RAB3B: variants seen among roughly 807,000 people sequenced by gnomAD.
RAB3B encodes ras-related protein Rab-3B.
Under a neutral mutation model 20.5 loss-of-function variants are expected in RAB3B, and 11 were observed. The observed-to-expected ratio is 0.54, with a 90% CI of 0.34 to 0.89. The LOEUF is 0.89. Ranked by LOEUF, RAB3B falls within the 40% of genes least tolerant of loss-of-function variation. The probability of loss-of-function intolerance (pLI) is 0.02; values close to 1 mark genes in which losing one functional copy is unlikely to be tolerated. For missense variants in RAB3B, 225 were observed against 280.9 expected, an observed-to-expected ratio of 0.80 and a Z score of 1.42; for synonymous variants, 99 against 106.3, an observed-to-expected ratio of 0.93 and a Z score of 0.42.
intron 3 of RAB3B, 33 bp downstream of exon 3, chr1:51,937,257 AGTTT>A: frequency 6.7e-7 from 1 of 1,485,084 alleles, no homozygotes; most frequent in Non-Finnish European, 9.4e-7. Context: ...TTTAATGAAC[AGTTT>A]GTTAAATGAA....
At chr1:51,952,706 GA>G (rs1182645187) in intron 2 of RAB3B, among the ~76,000 whole-genome samples, 1 of 151,914 alleles carries the variant, frequency 6.6e-6, no homozygotes, top group Admixed American at 6.6e-5. Flanking sequence ...AATAAATGAA[GA>G]AAAAAGATAA....
Position 51,912,602 on chromosome 1 carries a change from A to ATATATATATATAT in RAB3B, c.*7324_*7325insATATATATATATA, listed in dbSNP as rs1557958127. The ATATATATATATAT allele has an allele frequency of 1.2e-4, 2 of 16,270 alleles. No individual in the cohort carries two copies. The highest frequency in any genetic ancestry group is 9.9e-4 in the Admixed American group (1 of 1,008). The allele number at this position is 16,270 out of a possible 1,614,324, so 1.0% of individuals were successfully genotyped here. A position where few individuals can be genotyped will look rare whatever the true frequency, so the allele number is the denominator to read the frequency against. On this transcript the variant is annotated 3_prime_UTR_variant, in exon 5 of 5. Coordinates refer to ENST00000371655, the MANE Select transcript of RAB3B (RefSeq NM_002867.4). ...ATATATATATATATATATATATATA[A>ATATATATATATAT]AAAATGTTACTCCTGTGAGACAGAA...
At position 51,912,797 on chromosome 1, in the gene RAB3B, A is replaced by C. The variant is rs1390453774; in HGVS notation, c.*7130T>G. 2 of 151,810 alleles carry C rather than the reference A, an allele frequency of 1.3e-5. No homozygotes were observed. Among genetic ancestry groups the C allele is most frequent in the Non-Finnish European group, 2.9e-5 (2 of 67,966 alleles). The allele number at this position is 151,810 out of a possible 1,614,324, so 9.4% of individuals were successfully genotyped here. On this transcript the variant is annotated 3_prime_UTR_variant, in exon 5 of 5. Coordinates refer to ENST00000371655, the MANE Select transcript of RAB3B (RefSeq NM_002867.4). ...GTAAAACCCTAGGATCTGCTGCTAG[A>C]TTAGACAAGGAGGCTGAGAAAAAGA...
rs189148692 is a variant in RAB3B, at chr1:51,949,504, A to C, written c.229-12092T>G. On this transcript the variant is annotated intron_variant, in intron 2 of 4. Transcript: ENST00000371655. ...AACCGCACCTTCGGCCCCTGGAGGG[A>C]GGGGATGTGTGAGTGAGCAAGTGCA... Among the ~76,000 whole-genome samples the C allele has an allele frequency of 2.0e-4, 30 of 152,216 alleles. 1 individual carries two copies. Among genetic ancestry groups the C allele is most frequent in the Non-Finnish European group, 4.1e-4 (28 of 67,994 alleles).
chr1:51,964,516 T>TAAA, intron 2 of RAB3B, among the ~76,000 whole-genome samples: 1 of 152,144 alleles, frequency 6.6e-6, no homozygotes, highest in Non-Finnish European at 1.5e-5. Context: ...GCAGACTCAT[T>TAAA]TATCCAACTG....
At chr1:51,930,381 G>T (rs1418603364) in intron 4 of RAB3B, among the ~76,000 whole-genome samples, 1 of 152,190 alleles carries the variant, frequency 6.6e-6, no homozygotes, top group Non-Finnish European at 1.5e-5. Context: ...ATAGTGCCTT[G>T]TTCAATATAT....
intron 2 of RAB3B, among the ~76,000 whole-genome samples, chr1:51,960,946 G>T (rs2124289320): frequency 6.6e-6 from 1 of 152,296 alleles, no homozygotes; most frequent in South Asian, 2.1e-4. Context: ...CTCCATGCTA[G>T]ATCCTTTCCC....
intron 4 of RAB3B, among the ~76,000 whole-genome samples, chr1:51,922,686 A>T (rs558209049): frequency 3.2e-4 from 46 of 144,348 alleles, no homozygotes; most frequent in African/African-American, 9.6e-4. Context: ...TTTTTTTTTT[A>T]ATTTCATTTT....
intron 4 of RAB3B, among the ~76,000 whole-genome samples, chr1:51,929,330 C>CTTTTTTTTT (rs956055193): frequency 2.0e-5 from 3 of 151,144 alleles, no homozygotes; most frequent in South Asian, 4.3e-4. Context: ...CATTCTCTCC[C>CTTTTTTTTT]TTTTTTTTTC....
intron 3 of RAB3B, among the ~76,000 whole-genome samples, chr1:51,936,463 T>C (rs1431648397): frequency 3.3e-5 from 5 of 152,202 alleles, no homozygotes; most frequent in Non-Finnish European, 7.4e-5. Flanking sequence ...GCTACAGTAA[T>C]CTTCCTGAAA....
At chr1:51,982,267 G>T (rs186965609) in intron 1 of RAB3B, among the ~76,000 whole-genome samples, 3 of 152,264 alleles carry the variant, frequency 2.0e-5, no homozygotes, top group African/African-American at 4.8e-5. Context: ...GAAAGAAAAG[G>T]CCAGGTTCAG....
intron 2 of RAB3B, among the ~76,000 whole-genome samples, chr1:51,951,926 A>G (rs1205365146): frequency 6.6e-6 from 1 of 152,214 alleles, no homozygotes; most frequent in Non-Finnish European, 1.5e-5. Flanking sequence ...AAGGATTCTA[A>G]AGCGCCTCCC....
At chr1:51,937,749 G>A (rs908169381) in intron 2 of RAB3B, among the ~76,000 whole-genome samples, 3 of 151,864 alleles carry the variant, frequency 2.0e-5, no homozygotes, top group Non-Finnish European at 2.9e-5. Flanking sequence ...CACCCGCCTC[G>A]GCCTCCCAAA....
chr1:51,967,756 T>C (rs974615278), intron 2 of RAB3B, among the ~76,000 whole-genome samples: 3 of 151,882 alleles, frequency 2.0e-5, no homozygotes, highest in African/African-American at 7.3e-5. Context: ...GCTCAAGTGA[T>C]CCTCCTGCCT....
At chr1:51,938,817 C>A (rs1414473907) in intron 2 of RAB3B, among the ~76,000 whole-genome samples, 2 of 151,580 alleles carry the variant, frequency 1.3e-5, no homozygotes, top group South Asian at 2.1e-4. Flanking sequence ...CACACCACCA[C>A]ACCCGGCTAA....
rs1491223921 is a variant in RAB3B, at chr1:51,912,554, A to AAAAAAAATATAT, written c.*7372_*7373insATATATTTTTTT. The AAAAAAAATATAT allele has an allele frequency of 6.5e-5, 1 of 15,500 alleles. No homozygotes were observed. The highest frequency in any genetic ancestry group is 1.5e-4 in the Non-Finnish European group (1 of 6,828). The allele number at this position is 15,500 out of a possible 1,614,324, so 1.0% of individuals were successfully genotyped here. ...AGACCGTCTCTATTAAAAAAAAAAAAATATATATATATATATATATATATA... is the reference window on the plus strand; with the variant it reads ...AGACCGTCTCTATTAAAAAAAAAAAAAAAAAAATATATATATATATATATATATATATATATA... On this transcript the variant is annotated 3_prime_UTR_variant, in exon 5 of 5. Coordinates refer to ENST00000371655, the MANE Select transcript of RAB3B (RefSeq NM_002867.4).
intron 2 of RAB3B, among the ~76,000 whole-genome samples, chr1:51,973,150 A>T (rs903170787): frequency 6.6e-6 from 1 of 152,198 alleles, no homozygotes; most frequent in Non-Finnish European, 1.5e-5. Flanking sequence ...TCTCCAACTT[A>T]CATCCCTTTA....
chr1:51,922,645 A>G (rs2124233193), intron 4 of RAB3B, among the ~76,000 whole-genome samples: 1 of 150,640 alleles, frequency 6.6e-6, no homozygotes, highest in South Asian at 2.1e-4. Flanking sequence ...CTTTGTCTTC[A>G]TCACTTAGGG....
At chr1:51,949,055 A>G (rs1434995637) in intron 2 of RAB3B, among the ~76,000 whole-genome samples, 2 of 152,236 alleles carry the variant, frequency 1.3e-5, no homozygotes, top group Admixed American at 6.5e-5. Flanking sequence ...AAAGCCTACA[A>G]GATGGAGTCC....
Sources: gnomAD v4.1 joint callset for allele counts (sites outside exome capture counted in the v4.1 genomes callset) on GRCh38, gnomAD v4.1.1 for gene constraint, MANE v1.5 for transcripts, NCBI Gene and HGNC (gene_info 2026-07-23, HGNC 2026-07-21) for gene names.